TMEM40: variants seen among roughly 807,000 people sequenced by gnomAD.
TMEM40 encodes transmembrane protein 40.
TMEM40 carries 34 observed loss-of-function variants against 40.8 expected under a neutral mutation model. The observed-to-expected ratio is 0.83, with a 90% CI of 0.63 to 1.11. TMEM40 has a LOEUF of 1.11. Among genes scored for constraint, TMEM40 ranks in the 50% least tolerant of loss-of-function variants. TMEM40 has a pLI of 0.00. For synonymous variants in TMEM40, 106 were observed against 107.0 expected (o/e 0.99, Z 0.06); for missense variants, 296 against 280.2 (o/e 1.06, Z -0.40).
At chr3:12,738,859 T>G in intron 5 of TMEM40, 1 of 437,572 alleles carries the variant, frequency 2.3e-6, no homozygotes, top group East Asian at 4.1e-5. Context: ...ACTTCCCAAT[T>G]ATGAAAAAGT....
upstream of TMEM40, among the ~76,000 whole-genome samples, chr3:12,763,159 CAAAAAAAAAAA>C (rs536186442): frequency 1.8e-5 from 1 of 56,220 alleles, no homozygotes. Flanking sequence ...GACTCTGTCT[CAAAAAAAAAAA>C]AAAAAAAAAA....
chr3:12,741,984 C>T (rs2061386713), intron 5 of TMEM40, among the ~76,000 whole-genome samples: 1 of 152,184 alleles, frequency 6.6e-6, no homozygotes, highest in Admixed American at 6.6e-5. Context: ...GTAATCCCAG[C>T]ACTTTGGGAG....
intron 1 of TMEM40, among the ~76,000 whole-genome samples, chr3:12,764,571 A>G (rs2061585804): frequency 6.6e-6 from 1 of 152,228 alleles, no homozygotes; most frequent in African/African-American, 2.4e-5. Flanking sequence ...GGTCTTAGAG[A>G]AACAGTGGCC....
intron 1 of TMEM40, among the ~76,000 whole-genome samples, chr3:12,750,239 T>C (rs1057173666): frequency 2.0e-5 from 3 of 151,628 alleles, no homozygotes; most frequent in African/African-American, 7.3e-5. Flanking sequence ...CCTCCCAAAG[T>C]GCTGGGATTC....
Position 12,752,661 on chromosome 3 carries a change from G to A in TMEM40, c.-8-2821C>T, listed in dbSNP as rs545584870. Among the ~76,000 whole-genome samples the A allele has an allele frequency of 3.3e-5, 5 of 152,188 alleles. No individual in the cohort carries two copies. In the East Asian group the frequency reaches 7.7e-4, roughly 24 times the overall value. ...AAAATACAAAAATTAGCTGGGCATG[G>A]TGGTTGCAGGCCTGTAATCCCAGCT... On this transcript the variant is annotated intron_variant, in intron 1 of 11. Coordinates refer to ENST00000314124, the MANE Select transcript of TMEM40 (RefSeq NM_018306.4).
intron 1 of TMEM40, among the ~76,000 whole-genome samples, chr3:12,754,516 C>T (rs948092327): frequency 6.6e-6 from 1 of 152,160 alleles, no homozygotes; most frequent in Non-Finnish European, 1.5e-5. Flanking sequence ...GTTAAAGTGG[C>T]AATATAAGCC....
At chr3:12,758,174 C>T (rs1484108976) in intron 1 of TMEM40, among the ~76,000 whole-genome samples, 1 of 151,906 alleles carries the variant, frequency 6.6e-6, no homozygotes, top group African/African-American at 2.4e-5. Context: ...TGGTCCCTGA[C>T]GTGCAGCCAG....
chr3:12,757,703 A>T (rs1428789608), intron 1 of TMEM40, among the ~76,000 whole-genome samples: 3 of 152,228 alleles, frequency 2.0e-5, no homozygotes, highest in Admixed American at 6.5e-5. Context: ...AGGTTAAAAA[A>T]GATTTACTAC....
intron 3 of TMEM40, among the ~76,000 whole-genome samples, chr3:12,745,204 C>T (rs913645648): frequency 6.7e-6 from 1 of 149,818 alleles, no homozygotes; most frequent in African/African-American, 2.5e-5. Flanking sequence ...AGATTACAGG[C>T]GTGCACCACC....
chr3:12,745,458 A>AT (rs138137933), intron 3 of TMEM40, among the ~76,000 whole-genome samples: 5,761 of 151,800 alleles, frequency 0.038, 367 homozygotes, highest in African/African-American at 0.13. Flanking sequence ...TCATAATACA[A>AT]TTTTTTTGGA....
intron 1 of TMEM40, among the ~76,000 whole-genome samples, chr3:12,765,432 CCAGAGAA>C (rs2061589923): frequency 6.6e-6 from 1 of 151,882 alleles, no homozygotes; most frequent in South Asian, 2.1e-4. Context: ...CCCAGGGGTG[CCAGAGAA>C]CCCAGTTTGA....
chr3:12,737,664 A>T (rs1280609536), intron 8 of TMEM40, 43 bp downstream of exon 8: 1 of 1,600,568 alleles, frequency 6.2e-7, no homozygotes, highest in Non-Finnish European at 8.6e-7. Flanking sequence ...CTAGAAATCT[A>T]GCCAGACAGG....
chr3:12,742,007 G>A (rs1241580471), intron 5 of TMEM40, among the ~76,000 whole-genome samples: 6 of 152,104 alleles, frequency 3.9e-5, no homozygotes, highest in African/African-American at 7.2e-5. Context: ...CGAGGCGGGC[G>A]GATCAGGAGG....
At chr3:12,762,925 A>G (rs1415090140), upstream of TMEM40, among the ~76,000 whole-genome samples, 3 of 152,124 alleles carry the variant, frequency 2.0e-5, no homozygotes, top group East Asian at 5.8e-4. Flanking sequence ...GCACTTTGGG[A>G]GGCTGAGGTG....
intron 3 of TMEM40, among the ~76,000 whole-genome samples, chr3:12,746,263 A>AGT (rs61171005): frequency 0.077 from 11,753 of 152,192 alleles, 1,238 homozygotes; most frequent in African/African-American, 0.23. Flanking sequence ...GTTCATTGCT[A>AGT]GTCCCTAGTA....
At chr3:12,768,722 T>G (rs983469537) in intron 1 of TMEM40, among the ~76,000 whole-genome samples, 4 of 152,144 alleles carry the variant, frequency 2.6e-5, no homozygotes, top group African/African-American at 9.7e-5. Flanking sequence ...CGAGCCCAGC[T>G]GGCTTCACCC....
At chr3:12,755,594 C>A (rs1002354061) in intron 1 of TMEM40, among the ~76,000 whole-genome samples, 3 of 152,150 alleles carry the variant, frequency 2.0e-5, no homozygotes, top group African/African-American at 7.2e-5. Context: ...TCAAGCAATT[C>A]TCTCCAAAGT....
chr3:12,748,285 A>C (rs2061444880), intron 3 of TMEM40, among the ~76,000 whole-genome samples: 1 of 152,204 alleles, frequency 6.6e-6, no homozygotes, highest in Admixed American at 6.5e-5. Context: ...ACAGGATTTG[A>C]ACCTGTAACA....
At chr3:12,737,121 C>T (rs1219161372) in intron 8 of TMEM40, among the ~76,000 whole-genome samples, 1 of 152,004 alleles carries the variant, frequency 6.6e-6, no homozygotes, top group Non-Finnish European at 1.5e-5. Flanking sequence ...TTCAAGCAAT[C>T]CTCTCATCTC....
Sources: allele counts gnomAD v4.1 joint callset (sites outside exome capture counted in the v4.1 genomes callset), GRCh38; gene constraint gnomAD v4.1.1; transcripts MANE v1.5; gene names NCBI Gene and HGNC (gene_info 2026-07-23, HGNC 2026-07-21).